Variants in EXOC4 observed in about 807,000 individuals in gnomAD.
EXOC4 encodes SEC8-like 1.
In EXOC4, 71 loss-of-function variants were observed where a neutral mutation model predicts 107.2. The observed-to-expected ratio is 0.66, with a 90% confidence interval of 0.55 to 0.81. The LOEUF (loss-of-function observed/expected upper bound fraction) is 0.81. Ranked by LOEUF, EXOC4 falls within the 30% of genes least tolerant of loss-of-function variation. The pLI is 0.00. For synonymous variants in EXOC4, 456 were observed against 441.2 expected, an observed-to-expected ratio of 1.03 and a Z score of -0.42; for missense variants, 1,108 against 1,189.6, an observed-to-expected ratio of 0.93 and a Z score of 1.01.
chr7:133,386,469 C>T lies in EXOC4; in HGVS notation c.1182+11467C>T, dbSNP rs546267376. Among the ~76,000 whole-genome samples, 262 of 152,282 alleles carry T rather than the reference C, an allele frequency of 1.7e-3. 1 individual carries two copies. The highest frequency in any genetic ancestry group is 2.4e-3 in the Non-Finnish European group (165 of 68,026). ...AGCTCTCTGGCAGTTGCTGTTCCTT[C>T]GAGAGCATGCTTCTTTTGCCTGTTT... On this transcript the variant is annotated intron_variant, in intron 7 of 17. Transcript: ENST00000253861.
chr7:133,255,064 C>T (rs1794983789), intron 1 of EXOC4, among the ~76,000 whole-genome samples: 1 of 151,976 alleles, frequency 6.6e-6, no homozygotes, highest in Non-Finnish European at 1.5e-5. Flanking sequence ...TGTGGTTATC[C>T]ATCCATCTCT....
chr7:133,424,350 T>C (rs927372054), intron 7 of EXOC4, among the ~76,000 whole-genome samples: 1 of 151,124 alleles, frequency 6.6e-6, no homozygotes, highest in African/African-American at 2.4e-5. Flanking sequence ...AATGAACAAC[T>C]CCAGACGCGC....
At chr7:133,309,406 T>C (rs1475345407) in intron 4 of EXOC4, among the ~76,000 whole-genome samples, 1 of 152,092 alleles carries the variant, frequency 6.6e-6, no homozygotes, top group Non-Finnish European at 1.5e-5. Flanking sequence ...TTGATATGCA[T>C]AGGTGGCCAA....
intron 15 of EXOC4, among the ~76,000 whole-genome samples, chr7:133,999,953 C>T (rs115150616): frequency 0.012 from 1,793 of 152,262 alleles, 26 homozygotes; most frequent in African/African-American, 0.04. Flanking sequence ...GCCATATCTT[C>T]TTCAACATTA....
chr7:134,017,677 C>A (rs534724113), intron 17 of EXOC4, among the ~76,000 whole-genome samples: 1 of 152,060 alleles, frequency 6.6e-6, no homozygotes, highest in Admixed American at 6.6e-5. Flanking sequence ...TCCTTGAATG[C>A]GGGTGAGCAT....
At chr7:134,079,011 G>A in the EXOC4 span, among the ~76,000 whole-genome samples, 353 of 152,222 alleles carry the variant, frequency 2.3e-3, 1 homozygote, top group Middle Eastern at 0.014. Flanking sequence ...ACCCTCCATC[G>A]AGGACTGATC....
chr7:133,967,445 G>A (rs750380876), intron 14 of EXOC4, among the ~76,000 whole-genome samples: 9 of 152,176 alleles, frequency 5.9e-5, no homozygotes, highest in Non-Finnish European at 8.8e-5. Flanking sequence ...GATCTTTCCC[G>A]CTTTCTCCTG....
At chr7:133,620,006 GTGTT>G (rs768449063) in intron 9 of EXOC4, among the ~76,000 whole-genome samples, 14 of 124,560 alleles carry the variant, frequency 1.1e-4, no homozygotes, top group South Asian at 2.7e-4. Flanking sequence ...GTGTGTGTGT[GTGTT>G]TGTTTTTTTT....
chr7:133,846,673 C>T (rs368072865), intron 11 of EXOC4, among the ~76,000 whole-genome samples: 89 of 152,330 alleles, frequency 5.8e-4, no homozygotes, highest in African/African-American at 2.0e-3. Context: ...TGCAGCTATG[C>T]GGCTCTGCCT....
At chr7:133,569,520 A>G (rs1453008830) in intron 9 of EXOC4, among the ~76,000 whole-genome samples, 1 of 152,220 alleles carries the variant, frequency 6.6e-6, no homozygotes, top group Non-Finnish European at 1.5e-5. Context: ...TTAAAAACCA[A>G]GTGTAGATAT....
chr7:134,044,691 A>G (rs1325041551), intron 17 of EXOC4, among the ~76,000 whole-genome samples: 1 of 152,220 alleles, frequency 6.6e-6, no homozygotes, highest in South Asian at 2.1e-4. Context: ...CGTTAGCACA[A>G]TGTGCACACT....
intron 11 of EXOC4, among the ~76,000 whole-genome samples, chr7:133,831,200 T>G (rs551495926): frequency 6.6e-6 from 1 of 152,166 alleles, no homozygotes; most frequent in Non-Finnish European, 1.5e-5. Flanking sequence ...CCTGACTTCG[T>G]GATCCACCTG....
chr7:133,881,670 T>C (rs12707124), intron 11 of EXOC4, among the ~76,000 whole-genome samples: 94,809 of 152,012 alleles, frequency 0.62, 32,141 homozygotes, highest in African/African-American at 0.91. Context: ...TAGTGTTTGG[T>C]ATAGAGAAGG....
chr7:133,989,248 A>G (rs1312712338), intron 14 of EXOC4, among the ~76,000 whole-genome samples: 2 of 152,236 alleles, frequency 1.3e-5, no homozygotes, highest in African/African-American at 4.8e-5. Flanking sequence ...TTCAGGATAG[A>G]GAACAGATGC....
At chr7:133,382,752 T>A (rs979928840) in intron 7 of EXOC4, among the ~76,000 whole-genome samples, 2 of 152,220 alleles carry the variant, frequency 1.3e-5, no homozygotes, top group Non-Finnish European at 2.9e-5. Context: ...CCTTGTATAT[T>A]AAATTCTTTG....
chr7:133,842,662 T>G (rs1798045929), intron 11 of EXOC4, among the ~76,000 whole-genome samples: 2 of 152,238 alleles, frequency 1.3e-5, no homozygotes, highest in South Asian at 2.1e-4. Context: ...AGGTTCCATT[T>G]ATTGATTTTT....
the EXOC4 span, among the ~76,000 whole-genome samples, chr7:134,099,522 C>CTTTTTTT: frequency 3.8e-5 from 4 of 103,934 alleles, no homozygotes; most frequent in Admixed American, 1.0e-4. Flanking sequence ...CATCACACTT[C>CTTTTTTT]TTTTTTTTTT....
At chr7:133,350,410 G>A (rs1430716558) in intron 5 of EXOC4, among the ~76,000 whole-genome samples, 2 of 152,024 alleles carry the variant, frequency 1.3e-5, no homozygotes, top group Non-Finnish European at 2.9e-5. Flanking sequence ...TCCCTGTACA[G>A]CATTTGTTGA....
At chr7:133,666,084 T>C (rs1413706231) in intron 10 of EXOC4, among the ~76,000 whole-genome samples, 2 of 152,226 alleles carry the variant, frequency 1.3e-5, no homozygotes, top group East Asian at 1.9e-4. Flanking sequence ...CTCTGCCATA[T>C]TGATTTAATG....
Sources: allele counts gnomAD v4.1 joint callset (sites outside exome capture counted in the v4.1 genomes callset), GRCh38; gene constraint gnomAD v4.1.1; transcripts MANE v1.5; gene names NCBI Gene and HGNC (gene_info 2026-07-23, HGNC 2026-07-21).